PUDP: variants seen among roughly 807,000 people sequenced by gnomAD.
The protein encoded by PUDP is pseudouridine-5'-phosphatase.
PUDP carries 8 observed loss-of-function variants against 9.4 expected under a neutral mutation model. The ratio of observed to expected loss-of-function variants is 0.85; its 90% CI spans 0.50 to 1.53. The LOEUF is 1.53. Ranked by LOEUF, PUDP falls within the 40% of genes most tolerant of loss-of-function variation. The pLI is 0.00. For missense variants in PUDP, 188 were observed against 189.7 expected (o/e 0.99, Z 0.05); for synonymous variants, 99 against 80.7 (o/e 1.23, Z -1.22).
chrX:6,904,431 C>T (rs1437048916), intron 3 of PUDP, among the ~76,000 whole-genome samples: 1 of 111,005 alleles, frequency 9.0e-6, no homozygotes, highest in Admixed American at 9.6e-5. Context: ...GCCCTCCACA[C>T]ACAAACAAGA....
At chrX:6,917,969 G>A (rs1376536807) in intron 3 of PUDP, among the ~76,000 whole-genome samples, 3 of 112,127 alleles carry the variant, frequency 2.7e-5, no homozygotes, top group Non-Finnish European at 5.6e-5. Flanking sequence ...CAGTACATGC[G>A]TTCATAATGA....
At chrX:6,969,919 A>G (rs1161267276) in intron 3 of PUDP, among the ~76,000 whole-genome samples, 2 of 112,506 alleles carry the variant, frequency 1.8e-5, no homozygotes, top group East Asian at 5.6e-4. Flanking sequence ...ATTTCAAGCT[A>G]AAAGTTTATA....
At chrX:6,887,291 C>G (rs1223677563) in intron 3 of PUDP, among the ~76,000 whole-genome samples, 2 of 107,476 alleles carry the variant, frequency 1.9e-5, no homozygotes, top group Admixed American at 2.1e-4. Context: ...CAAATGTGCT[C>G]TTAGCTCTTG....
chrX:6,738,347 T>C (rs1924897958), intron 3 of PUDP, among the ~76,000 whole-genome samples: 1 of 111,582 alleles, frequency 9.0e-6, no homozygotes, highest in Non-Finnish European at 1.9e-5. Flanking sequence ...TGAAGCTTTA[T>C]TGGAACTCTG....
At chrX:7,065,751 A>G (rs1186655035) in intron 3 of PUDP, among the ~76,000 whole-genome samples, 1 of 111,860 alleles carries the variant, frequency 8.9e-6, no homozygotes, top group Admixed American at 9.5e-5. Flanking sequence ...CAGGCCAAAC[A>G]CTTTTAAAAA....
chrX:6,721,598 T>C (rs893870135), upstream of PUDP: 9 of 112,244 alleles, frequency 8.0e-5, no homozygotes, highest in African/African-American at 2.9e-4. Context: ...TATAAAGTTA[T>C]CTAAAATATA....
chrX:6,824,501 T>C (rs1926395738), intron 3 of PUDP, among the ~76,000 whole-genome samples: 1 of 111,497 alleles, frequency 9.0e-6, no homozygotes, highest in South Asian at 3.8e-4. Flanking sequence ...AGTCTTATTT[T>C]ACTCAGCCCA....
chrX:7,081,800 G>T (rs922203780), intron 2 of PUDP, among the ~76,000 whole-genome samples: 16 of 113,020 alleles, frequency 1.4e-4, no homozygotes, highest in Non-Finnish European at 2.8e-4. Context: ...TAATTCACAA[G>T]AAGAACAATG....
At chrX:7,078,494 T>A (rs895899189) in intron 2 of PUDP, among the ~76,000 whole-genome samples, 3 of 112,099 alleles carry the variant, frequency 2.7e-5, no homozygotes, top group Non-Finnish European at 3.8e-5. Flanking sequence ...GGTTTCACCA[T>A]GTTGGCCAGG....
rs1277842809 is a variant in PUDP at position 7,040,536 on chromosome X, C to A, written c.204+36684G>T. Among the ~76,000 whole-genome samples the A allele has an allele frequency of 9.8e-5, 11 of 111,912 alleles. No individual in the cohort carries two copies. In the Admixed American group the frequency reaches 1.0e-3, roughly 11 times the overall value. On this transcript the variant is annotated intron_variant and NMD_transcript_variant, in intron 1 of 3. Coordinates refer to the PUDP transcript ENST00000655425. The stretch of plus-strand genomic sequence containing the variant: ...GAGTACAGGGATGCTCCTCTCCAAA[C>A]CTGATCTTGCTACATTTGTGCTGCC...
chrX:7,069,090 C>T (rs769528289), intron 3 of PUDP, among the ~76,000 whole-genome samples: 1 of 111,711 alleles, frequency 9.0e-6, no homozygotes, highest in South Asian at 3.8e-4. Flanking sequence ...ATTGCTGAAC[C>T]GAGTTCCTGG....
intron 3 of PUDP, among the ~76,000 whole-genome samples, chrX:6,742,463 T>A (rs1924951643): frequency 8.9e-6 from 1 of 112,663 alleles, no homozygotes; most frequent in East Asian, 2.8e-4. Flanking sequence ...ATTTGCTATC[T>A]GGCCCTTTGT....
At position 6,744,923 on chromosome X, in the gene PUDP, T is replaced by C. The variant is rs191576895; in HGVS notation, c.*248-38457A>G. Among the ~76,000 whole-genome samples the C allele has an allele frequency of 3.8e-3, 423 of 112,119 alleles. 1 individual carries two copies. Among genetic ancestry groups the C allele is most frequent in the African/African-American group, 9.2e-3 (284 of 30,908 alleles). On this transcript the variant is annotated intron_variant and NMD_transcript_variant, in intron 3 of 3. Transcript: ENST00000655425. ...ACGAAATATTAATCATCATAATAAA[T>C]AGTAAAAAGACAATATCATCAACGA... is the stretch of plus-strand genomic sequence containing the variant.
Position 6,994,473 on chromosome X carries a change from A to G in PUDP, c.205-16130T>C, listed in dbSNP as rs1262108280. 2.7e-5 allele frequency among the ~76,000 whole-genome samples: 3 copies of G among 112,318 alleles called. No individual in the cohort carries two copies. In the Admixed American group the frequency reaches 2.8e-4, roughly 11 times the overall value. Reference sequence around the variant, plus strand: ...CCATAGAAATACTAAAGCACAATCTATGAAGAAAGACTGTCAAGCCAAATA... The same window carrying G: ...CCATAGAAATACTAAAGCACAATCTGTGAAGAAAGACTGTCAAGCCAAATA... On this transcript the variant is annotated intron_variant and NMD_transcript_variant, in intron 1 of 3. Coordinates refer to the PUDP transcript ENST00000655425.
chrX:6,987,690 C>T (rs746467109), intron 1 of PUDP, among the ~76,000 whole-genome samples: 1 of 112,275 alleles, frequency 8.9e-6, no homozygotes, highest in Non-Finnish European at 1.9e-5. Context: ...TCATGACATA[C>T]TGTCCACGGC....
chrX:6,751,470 T>C (rs755374558), intron 3 of PUDP, among the ~76,000 whole-genome samples: 3 of 111,833 alleles, frequency 2.7e-5, no homozygotes, highest in Non-Finnish European at 5.6e-5. Context: ...CTATGTTCTA[T>C]GAATTTATTT....
rs147394072 is a variant in PUDP, at chrX:6,982,833, C to T, written c.205-4490G>A. ...GAGCAAAAATGGCCAACCTGTGAGGCTACAAGCGGGACAGAGTCAGCCATG... is the reference window on the plus strand; with the variant it reads ...GAGCAAAAATGGCCAACCTGTGAGGTTACAAGCGGGACAGAGTCAGCCATG... On this transcript the variant is annotated intron_variant and NMD_transcript_variant, in intron 1 of 3. Transcript: ENST00000655425. Among the ~76,000 whole-genome samples, 6 of 112,617 alleles carry T rather than the reference C, an allele frequency of 5.3e-5. No individual in the cohort carries two copies. The East Asian group carries it at 1.7e-3, about 32-fold the overall frequency.
intron 3 of PUDP, among the ~76,000 whole-genome samples, chrX:6,750,944 C>A (rs1410214970): frequency 1.8e-5 from 2 of 110,800 alleles, no homozygotes; most frequent in Non-Finnish European, 3.8e-5. Context: ...TGGAGACCAT[C>A]CTGGCTAACA....
chrX:7,143,191 G>A (rs192006691), intron 1 of PUDP, among the ~76,000 whole-genome samples: 28 of 109,868 alleles, frequency 2.5e-4, no homozygotes, highest in Non-Finnish European at 5.1e-4. Context: ...ACATTTTTTA[G>A]ACATAATGCT....
Sources: allele counts gnomAD v4.1 joint callset (sites outside exome capture counted in the v4.1 genomes callset), GRCh38; gene constraint gnomAD v4.1.1; transcripts MANE v1.5; gene names NCBI Gene and HGNC (gene_info 2026-07-23, HGNC 2026-07-21).